Variants in TMPRSS9 observed in about 807,000 individuals in gnomAD.
TMPRSS9 encodes transmembrane serine protease 9.
A neutral mutation model predicts 111.4 loss-of-function variants in TMPRSS9; 113 were observed. The ratio of observed to expected loss-of-function variants is 1.01; its 90% CI spans 0.87 to 1.19. The LOEUF (loss-of-function observed/expected upper bound fraction) is 1.19, where lower values mean the gene tolerates loss of function less well. Ranked by LOEUF, TMPRSS9 falls within the 50% of genes most tolerant of loss-of-function variation. The pLI is 0.00. For synonymous variants in TMPRSS9, 805 were observed against 659.1 expected (o/e 1.22, Z -3.39); for missense variants, 1,803 against 1,513.1 (o/e 1.19, Z -3.18).
chr19:2,389,827 A>G (rs1280971976), exon 1 of TMPRSS9: 8 of 1,613,988 alleles, frequency 5.0e-6, no homozygotes, highest in Non-Finnish European at 6.8e-6. Context: ...TGCCCAGGAC[A>G]ACCAAGGAAG....
In TMPRSS9 at chr19:2,415,846, G is replaced by C; in HGVS notation, c.1745+5G>C. 1 of 1,571,664 alleles carries C rather than the reference G, an allele frequency of 6.4e-7. No individual in the cohort carries two copies. Among genetic ancestry groups the C allele is most frequent in the East Asian group, 2.3e-5 (1 of 43,242 alleles). ...TGCCGCCCACTGCTTCAACCAGTAAGGCCCGCCTCCTCCAGGAAGGCTGCC... is the reference window on the plus strand; with the variant it reads ...TGCCGCCCACTGCTTCAACCAGTAACGCCCGCCTCCTCCAGGAAGGCTGCC... On this transcript the variant is annotated splice_donor_5th_base_variant and intron_variant, in intron 11 of 17. Transcript: ENST00000648592.
exon 7 of TMPRSS9, chr19:2,405,530 C>A: frequency 6.3e-7 from 1 of 1,582,468 alleles, no homozygotes. Flanking sequence ...GTGTCTGCTG[C>A]TCACTGCTTC....
chr19:2,424,028 G>T, intron 14 of TMPRSS9, 61 bp from the exon 16 acceptor site: 1 of 1,245,488 alleles, frequency 8.0e-7, no homozygotes, highest in Non-Finnish European at 1.0e-6. Context: ...CGGCGCCCAG[G>T]GGGGCCTTCG....
intron 1 of TMPRSS9, among the ~76,000 whole-genome samples, chr19:2,363,565 G>C (rs978247142): frequency 2.6e-5 from 4 of 151,764 alleles, no homozygotes; most frequent in Non-Finnish European, 4.4e-5. Context: ...GTGATTCCCC[G>C]TGCATCTGTG....
chr19:2,402,614 T>A (rs908643694), intron 5 of TMPRSS9, among the ~76,000 whole-genome samples: 1 of 152,098 alleles, frequency 6.6e-6, no homozygotes, highest in Non-Finnish European at 1.5e-5. Flanking sequence ...GGGGCGTGCC[T>A]GTAATCCCAG....
At chr19:2,425,418 C>G in exon 17 of TMPRSS9, 1 of 1,582,484 alleles carries the variant, frequency 6.3e-7, no homozygotes, top group Non-Finnish European at 8.5e-7. Flanking sequence ...AGACCTGCCG[C>G]CGCTTCTACC....
At chr19:2,425,205 C>A in exon 16 of TMPRSS9, 1 of 1,509,690 alleles carries the variant, frequency 6.6e-7, no homozygotes, top group South Asian at 1.2e-5. Context: ...CCCGAGCCCG[C>A]GCCGCGACCC....
At chr19:2,391,808 C>A (rs1247639588) in intron 1 of TMPRSS9, among the ~76,000 whole-genome samples, 1 of 145,218 alleles carries the variant, frequency 6.9e-6, no homozygotes, top group Non-Finnish European at 1.5e-5. Flanking sequence ...GTGGCACAAT[C>A]TCAGCTCATC....
chr19:2,426,205 A>G, exon 18 of TMPRSS9: 1 of 1,320,824 alleles, frequency 7.6e-7, no homozygotes, highest in Non-Finnish European at 1.0e-6. Context: ...GCTGTGGGTC[A>G]TGGGGATGCA....
At chr19:2,408,629 C>A in exon 8 of TMPRSS9, 1 of 1,607,804 alleles carries the variant, frequency 6.2e-7, no homozygotes. Flanking sequence ...AGGAGGACTT[C>A]CGTAAGCATC....
intron 9 of TMPRSS9, among the ~76,000 whole-genome samples, chr19:2,411,160 C>T (rs546374320): frequency 1.3e-3 from 190 of 151,414 alleles, no homozygotes; most frequent in African/African-American, 4.5e-3. Flanking sequence ...ATTAGCCTGG[C>T]GTGGTGGCAG....
At chr19:2,415,525 A>G in intron 10 of TMPRSS9, 145 bp from the exon 12 acceptor site, 1 of 735,378 alleles carries the variant, frequency 1.4e-6, no homozygotes, top group Non-Finnish European at 2.1e-6. Flanking sequence ...GACACCTTGA[A>G]GCCTCCACGG....
At chr19:2,424,439 T>C (rs1599321283) in intron 15 of TMPRSS9, among the ~76,000 whole-genome samples, 182 bp downstream of exon 16, 1 of 62,188 alleles carries the variant, frequency 1.6e-5, no homozygotes, top group African/African-American at 6.6e-5. Flanking sequence ...CCTGCAGCCC[T>C]CCCCTGACCA....
At chr19:2,384,211 A>G (rs1970426118) in intron 1 of TMPRSS9, among the ~76,000 whole-genome samples, 1 of 152,208 alleles carries the variant, frequency 6.6e-6, no homozygotes, top group African/African-American at 2.4e-5. Flanking sequence ...CCGCCCACGC[A>G]GCAGACACAG....
At chr19:2,425,302 C>CG (rs930801793) in intron 16 of TMPRSS9, 35 bp downstream of exon 17, 52 of 1,223,652 alleles carry the variant, frequency 4.2e-5, no homozygotes, top group African/African-American at 1.5e-4. Flanking sequence ...GTGCGGGGCT[C>CG]GGGGGGCGGC....
At chr19:2,405,302 A>T in intron 6 of TMPRSS9, 72 bp from the exon 8 acceptor site, 1 of 1,497,812 alleles carries the variant, frequency 6.7e-7, no homozygotes, top group Non-Finnish European at 8.8e-7. Context: ...AGACTCAGAG[A>T]TGCATGTTCT....
At chr19:2,366,856 CAAAAAAAAAAAA>C (rs769704683) in intron 1 of TMPRSS9, among the ~76,000 whole-genome samples, 1 of 61,342 alleles carries the variant, frequency 1.6e-5, no homozygotes, top group African/African-American at 6.0e-5. Context: ...GACTCCATTT[CAAAAAAAAAAAA>C]AAAAAAAAGA....
chr19:2,424,425 G>A (rs907766664), intron 15 of TMPRSS9, among the ~76,000 whole-genome samples, 168 bp downstream of exon 16: 1 of 94,918 alleles, frequency 1.1e-5, no homozygotes, highest in Admixed American at 1.3e-4. Context: ...CCCCATCCTC[G>A]CTCCCTGCAG....
chr19:2,424,978 C>T (rs1035777413), intron 15 of TMPRSS9, 24 bp from the exon 17 acceptor site: 10 of 1,485,686 alleles, frequency 6.7e-6, no homozygotes, highest in Non-Finnish European at 8.9e-6. Context: ...CTCGGGCCGA[C>T]GCCTGTCCTC....
Sources: gnomAD v4.1 joint callset for allele counts (sites outside exome capture counted in the v4.1 genomes callset) on GRCh38, gnomAD v4.1.1 for gene constraint, MANE v1.5 for transcripts, NCBI Gene and HGNC (gene_info 2026-07-23, HGNC 2026-07-21) for gene names.